Variants in LHFPL3 observed in about 807,000 individuals in gnomAD.
LHFPL3 encodes the protein LHFPL tetraspan subfamily member 3 protein.
A neutral mutation model predicts 19.3 loss-of-function variants in LHFPL3; 5 were observed. That is an observed-to-expected ratio of 0.26 (90% CI 0.14 to 0.54). The LOEUF (loss-of-function observed/expected upper bound fraction) is 0.54, where lower values mean the gene tolerates loss of function less well. LHFPL3 is among the 20% of genes least tolerant of loss of function. The pLI, the probability that LHFPL3 is intolerant of heterozygous loss-of-function variation, is 0.94. For synonymous variants in LHFPL3, 133 were observed against 126.2 expected (o/e 1.05, Z -0.36); for missense variants, 249 against 307.4 (o/e 0.81, Z 1.42).
intron 2 of LHFPL3, among the ~76,000 whole-genome samples, chr7:104,884,288 C>T (rs532640679): frequency 4.7e-4 from 72 of 152,126 alleles, no homozygotes; most frequent in Non-Finnish European, 8.8e-4. Flanking sequence ...CCACTTCGTT[C>T]TCTGTTTAGT....
intron 1 of LHFPL3, among the ~76,000 whole-genome samples, chr7:104,393,332 A>T (rs1791116594): frequency 1.3e-5 from 2 of 152,178 alleles, no homozygotes; most frequent in South Asian, 4.1e-4. Flanking sequence ...CTAAAGAGAA[A>T]TGAAAACATA....
intron 2 of LHFPL3, among the ~76,000 whole-genome samples, chr7:104,887,540 T>C (rs557245519): frequency 3.9e-5 from 6 of 152,292 alleles, no homozygotes; most frequent in African/African-American, 1.4e-4. Flanking sequence ...AGGTAAGGGA[T>C]GGTGATTCCC....
intron 2 of LHFPL3, 26 bp from the exon 3 acceptor site, chr7:104,906,159 TTC>T (rs972540769): frequency 8.7e-6 from 14 of 1,605,982 alleles, no homozygotes; most frequent in Admixed American, 1.7e-5. Flanking sequence ...CCCACCCTTT[TTC>T]TCTCTCTTCC....
intron 1 of LHFPL3, among the ~76,000 whole-genome samples, chr7:104,640,789 GAGTTTACATGAGTTGC>G (rs1296142538): frequency 6.6e-6 from 1 of 152,158 alleles, no homozygotes; most frequent in African/African-American, 2.4e-5. Flanking sequence ...TCATTTACAA[GAGTTTACATGAGTTGC>G]AGTTTTCCTT....
chr7:104,627,185 G>T (rs1791561049), intron 1 of LHFPL3, among the ~76,000 whole-genome samples: 1 of 151,704 alleles, frequency 6.6e-6, no homozygotes, highest in African/African-American at 2.4e-5. Flanking sequence ...CTATTAATTT[G>T]ACTTTTCTAG....
At chr7:104,847,043 A>G (rs1455777394) in intron 2 of LHFPL3, among the ~76,000 whole-genome samples, 1 of 152,230 alleles carries the variant, frequency 6.6e-6, no homozygotes, top group African/African-American at 2.4e-5. Context: ...GAAGAAGAAC[A>G]AGGGCAGGAA....
chr7:104,610,752 CA>C (rs1167182737), intron 1 of LHFPL3, among the ~76,000 whole-genome samples: 2 of 152,222 alleles, frequency 1.3e-5, no homozygotes, highest in Non-Finnish European at 2.9e-5. Context: ...TCTACTAATT[CA>C]AATGCTCATC....
intron 2 of LHFPL3, among the ~76,000 whole-genome samples, chr7:104,800,396 A>T (rs1310500536): frequency 6.6e-6 from 1 of 151,570 alleles, no homozygotes; most frequent in Admixed American, 6.6e-5. Context: ...CTCTCCAAAC[A>T]CTCCTAACCT....
chr7:104,863,980 C>T (rs1047764640), intron 2 of LHFPL3, among the ~76,000 whole-genome samples: 3 of 152,196 alleles, frequency 2.0e-5, no homozygotes, highest in African/African-American at 4.8e-5. Context: ...TTGATGTATA[C>T]GTCCATCAAA....
Position 104,621,588 on chromosome 7 carries a change from A to G in LHFPL3, c.446-115087A>G, listed in dbSNP as rs560335593. 1.6e-3 allele frequency among the ~76,000 whole-genome samples: 240 copies of G among 152,334 alleles called. 1 individual carries two copies. The highest frequency in any genetic ancestry group is 2.9e-3 in the Non-Finnish European group (200 of 68,026). On this transcript the variant is annotated intron_variant, in intron 1 of 2. Transcript: ENST00000424859. Reference sequence around the variant, plus strand: ...TGCTGACATGGACACCTTTCCCTCCAGGGAGTTGACAGATCGCTTAATCAT... The same window carrying G: ...TGCTGACATGGACACCTTTCCCTCCGGGGAGTTGACAGATCGCTTAATCAT...
intron 1 of LHFPL3, among the ~76,000 whole-genome samples, chr7:104,367,022 C>G (rs17137048): frequency 0.19 from 28,402 of 152,042 alleles, 2,811 homozygotes; most frequent in Middle Eastern, 0.3. Flanking sequence ...TATGATTGTC[C>G]TGAAGCATGT....
chr7:104,877,874 C>G (rs1457047188), intron 2 of LHFPL3, among the ~76,000 whole-genome samples: 1 of 151,466 alleles, frequency 6.6e-6, no homozygotes, highest in Non-Finnish European at 1.5e-5. Flanking sequence ...TTCTCTGTCA[C>G]CCAGGCTCGA....
At chr7:104,875,723 C>T (rs1031739187) in intron 2 of LHFPL3, among the ~76,000 whole-genome samples, 3 of 152,318 alleles carry the variant, frequency 2.0e-5, no homozygotes, top group African/African-American at 7.2e-5. Flanking sequence ...TCCACACCCA[C>T]AATAAAGAGA....
At chr7:104,378,012 A>G (rs996646725) in intron 1 of LHFPL3, among the ~76,000 whole-genome samples, 4 of 152,180 alleles carry the variant, frequency 2.6e-5, no homozygotes, top group Non-Finnish European at 5.9e-5. Context: ...TTTTTAAAAA[A>G]CAAAAAACAA....
At chr7:104,775,662 A>G (rs1446590403) in intron 2 of LHFPL3, among the ~76,000 whole-genome samples, 1 of 152,178 alleles carries the variant, frequency 6.6e-6, no homozygotes, top group African/African-American at 2.4e-5. Flanking sequence ...TAAAACCTCA[A>G]AGATTCTTTG....
chr7:104,528,437 C>G (rs1202333734), intron 1 of LHFPL3, among the ~76,000 whole-genome samples: 1 of 152,068 alleles, frequency 6.6e-6, no homozygotes, highest in East Asian at 1.9e-4. Context: ...CTTTCTCATC[C>G]TTTTCTTTTA....
chr7:104,720,196 T>C (rs903552252), intron 1 of LHFPL3, among the ~76,000 whole-genome samples: 2 of 152,124 alleles, frequency 1.3e-5, no homozygotes, highest in East Asian at 1.9e-4. Context: ...AACAGATATA[T>C]AGACCAATGG....
chr7:104,849,382 C>T (rs1791372181), intron 2 of LHFPL3, among the ~76,000 whole-genome samples: 1 of 152,196 alleles, frequency 6.6e-6, no homozygotes, highest in Admixed American at 6.5e-5. Context: ...CCAACAGAGC[C>T]TAGCCATCTG....
intron 1 of LHFPL3, among the ~76,000 whole-genome samples, chr7:104,368,530 G>A (rs1217662670): frequency 2.0e-5 from 3 of 152,132 alleles, no homozygotes; most frequent in Non-Finnish European, 4.4e-5. Flanking sequence ...ATGTTCACCA[G>A]TACTTCTTGG....
Sources: allele counts gnomAD v4.1 joint callset (sites outside exome capture counted in the v4.1 genomes callset), GRCh38; gene constraint gnomAD v4.1.1; transcripts MANE v1.5; gene names NCBI Gene and HGNC (gene_info 2026-07-23, HGNC 2026-07-21).